Variants in UBXN7 observed in about 807,000 individuals in gnomAD.
UBXN7 encodes UBX domain-containing protein 7.
Under a neutral mutation model 58.0 loss-of-function variants are expected in UBXN7, and 9 were observed. That is an observed-to-expected ratio of 0.16 (90% CI 0.09 to 0.27). The LOEUF is 0.27. UBXN7 is among the 10% of genes least tolerant of loss of function. UBXN7 has a pLI of 1.00. For missense variants in UBXN7, 328 were observed against 599.6 expected (o/e 0.55, Z 4.73); for synonymous variants, 208 against 205.0 (o/e 1.01, Z -0.12).
At chr3:196,414,733 C>T (rs946974056) in intron 1 of UBXN7, 1 of 152,176 alleles carries the variant, frequency 6.6e-6, no homozygotes, top group Non-Finnish European at 1.5e-5. Flanking sequence ...TAATCTTTAC[C>T]CTTGTCTCTG....
At chr3:196,362,825 A>T (rs1307567417) in intron 8 of UBXN7, 138 bp from the exon 9 acceptor site, 1 of 1,064,946 alleles carries the variant, frequency 9.4e-7, no homozygotes, top group Non-Finnish European at 1.3e-6. Context: ...AAGAGCAAGG[A>T]CTGTGTCTTA....
chr3:196,401,593 A>G (rs2108851769), intron 3 of UBXN7, among the ~76,000 whole-genome samples: 1 of 150,452 alleles, frequency 6.6e-6, no homozygotes, highest in East Asian at 2.0e-4. Flanking sequence ...AGAAGGGAAC[A>G]GACACCAGGG....
intron 1 of UBXN7, among the ~76,000 whole-genome samples, chr3:196,415,304 C>T (rs1223979083): frequency 3.3e-5 from 5 of 151,156 alleles, no homozygotes; most frequent in Admixed American, 2.6e-4. Flanking sequence ...TAGGCGCACG[C>T]CACCACTCCC....
intron 7 of UBXN7, 55 bp downstream of exon 7, chr3:196,369,366 A>T: frequency 7.8e-7 from 1 of 1,287,296 alleles, no homozygotes; most frequent in Non-Finnish European, 1.1e-6. Flanking sequence ...TCAATCATTT[A>T]GGTAACTGAA....
chr3:196,430,545 A>G (rs1257875632), intron 1 of UBXN7, among the ~76,000 whole-genome samples: 2 of 151,868 alleles, frequency 1.3e-5, no homozygotes, highest in Non-Finnish European at 2.9e-5. Flanking sequence ...GTGCCACTAC[A>G]TCCAGCTCAT....
chr3:196,391,776 G>T (rs1030955638), intron 5 of UBXN7, 37 bp downstream of exon 5: 2 of 1,480,282 alleles, frequency 1.4e-6, no homozygotes, highest in South Asian at 1.2e-5. Context: ...AATGCAAAAG[G>T]ATTCATAGTT....
At chr3:196,401,388 A>G (rs1181282751) in intron 3 of UBXN7, among the ~76,000 whole-genome samples, 1 of 149,714 alleles carries the variant, frequency 6.7e-6, no homozygotes, top group Non-Finnish European at 1.5e-5. Flanking sequence ...TTTATCTCAT[A>G]AAAACTCTCA....
rs1327085464 is a variant in UBXN7, at chr3:196,356,449, G to A, written c.*236C>T. 3 of 402,288 alleles carry A rather than the reference G, an allele frequency of 7.5e-6. No homozygotes were observed. Among genetic ancestry groups the A allele is most frequent in the African/African-American group, 2.1e-5 (1 of 47,430 alleles). The allele number at this position is 402,288 out of a possible 1,614,324, so 24.9% of individuals were successfully genotyped here. On this transcript the variant is annotated 3_prime_UTR_variant, in exon 11 of 11. Transcript: ENST00000296328. ...AGATTAGGTAAGAAAGAAAAGTGTG[G>A]GGGGAGGGGGAGGCAGAAGGGTACG...
chr3:196,369,920 C>T (rs1162465045), intron 6 of UBXN7, among the ~76,000 whole-genome samples: 1 of 152,066 alleles, frequency 6.6e-6, no homozygotes, highest in African/African-American at 2.4e-5. Flanking sequence ...ATCACAAGGT[C>T]AGGAGATTGA....
intron 1 of UBXN7, among the ~76,000 whole-genome samples, chr3:196,411,977 C>G (rs955136422): frequency 3.6e-4 from 54 of 152,108 alleles, no homozygotes; most frequent in Admixed American, 3.5e-3. Context: ...GCCTGTAAAC[C>G]TGGCACTTTG....
At chr3:196,395,519 C>A (rs1363521090) in intron 3 of UBXN7, among the ~76,000 whole-genome samples, 1 of 152,006 alleles carries the variant, frequency 6.6e-6, no homozygotes, top group Non-Finnish European at 1.5e-5. Context: ...TCATGGCTCA[C>A]TGCAGACTCC....
chr3:196,417,128 A>G (rs891582617), intron 1 of UBXN7, among the ~76,000 whole-genome samples: 7 of 152,140 alleles, frequency 4.6e-5, no homozygotes, highest in Admixed American at 2.0e-4. Flanking sequence ...CCTGGCTAAC[A>G]CGGTGAAACC....
chr3:196,359,891 G>A (rs1728459402), intron 10 of UBXN7, among the ~76,000 whole-genome samples: 3 of 150,868 alleles, frequency 2.0e-5, no homozygotes, highest in Admixed American at 6.6e-5. Flanking sequence ...GGGTGACAGA[G>A]CAAGACTCTG....
At chr3:196,420,110 G>C (rs186166838) in intron 1 of UBXN7, among the ~76,000 whole-genome samples, 5 of 152,252 alleles carry the variant, frequency 3.3e-5, no homozygotes, top group Admixed American at 2.6e-4. Flanking sequence ...ATTTCTGATG[G>C]ATCAGCTGTA....
At chr3:196,405,807 T>C (rs967800203) in intron 2 of UBXN7, among the ~76,000 whole-genome samples, 2 of 152,168 alleles carry the variant, frequency 1.3e-5, no homozygotes, top group African/African-American at 4.8e-5. Context: ...CTTTAGGAAT[T>C]AGGAGCCATT....
intron 10 of UBXN7, among the ~76,000 whole-genome samples, chr3:196,357,829 G>T (rs544984317): frequency 3.9e-4 from 59 of 151,998 alleles, no homozygotes; most frequent in African/African-American, 1.4e-3. Flanking sequence ...CCGCACTCCA[G>T]CCTGGGTAAC....
intron 3 of UBXN7, among the ~76,000 whole-genome samples, chr3:196,399,747 T>A (rs370519341): frequency 0.034 from 2,629 of 78,364 alleles, 76 homozygotes; most frequent in African/African-American, 0.12. Flanking sequence ...GGCCCTGCCT[T>A]TTAGATTTTT....
intron 1 of UBXN7, among the ~76,000 whole-genome samples, chr3:196,427,568 T>C (rs868285902): frequency 1.8e-4 from 28 of 152,222 alleles, no homozygotes; most frequent in Admixed American, 3.9e-4. Context: ...TCCACCCGCC[T>C]TGGCCTCCCA....
Position 196,348,540 on chromosome 3 carries a change from A to C in UBXN7, c.*8145T>G, listed in dbSNP as rs943033361. The C allele has an allele frequency of 6.6e-6, 1 of 152,220 alleles. No homozygotes were observed. The highest frequency in any genetic ancestry group is 2.4e-5 in the African/African-American group (1 of 41,452). The allele number at this position is 152,220 out of a possible 1,614,324, so 9.4% of individuals were successfully genotyped here. The stretch of plus-strand genomic sequence containing the variant: ...GACCACCCCCACACACACTTTGTCC[A>C]GAATAAGTTGAGCCACAAACATCCC... On this transcript the variant is annotated 3_prime_UTR_variant, in exon 11 of 11. Coordinates refer to ENST00000296328, the MANE Select transcript of UBXN7 (RefSeq NM_015562.2).
Sources: gnomAD v4.1 joint callset for allele counts (sites outside exome capture counted in the v4.1 genomes callset) on GRCh38, gnomAD v4.1.1 for gene constraint, MANE v1.5 for transcripts, NCBI Gene and HGNC (gene_info 2026-07-23, HGNC 2026-07-21) for gene names.